MMD2: variants seen among roughly 807,000 people sequenced by gnomAD.
MMD2 encodes the protein monocyte to macrophage differentiation factor 2.
MMD2 carries 30 observed loss-of-function variants against 33.5 expected under a neutral mutation model. That is an observed-to-expected ratio of 0.90 (90% CI 0.67 to 1.22). MMD2 has a LOEUF of 1.22. Ranked by LOEUF, MMD2 falls within the 50% of genes most tolerant of loss-of-function variation. The pLI, the probability that MMD2 is intolerant of heterozygous loss-of-function variation, is 0.00. For missense variants in MMD2, 364 were observed against 325.4 expected (o/e 1.12, Z -0.91); for synonymous variants, 129 against 123.0 (o/e 1.05, Z -0.32).
intron 6 of MMD2, among the ~76,000 whole-genome samples, chr7:4,909,181 A>C: frequency 6.6e-6 from 1 of 152,034 alleles, no homozygotes; most frequent in Non-Finnish European, 1.5e-5. Flanking sequence ...TATTAACACG[A>C]GTTGTTCTTA....
intron 2 of MMD2, among the ~76,000 whole-genome samples, chr7:4,921,852 T>C (rs376288157): frequency 4.6e-5 from 7 of 152,108 alleles, no homozygotes; most frequent in African/African-American, 1.4e-4. Flanking sequence ...GCCACCCACA[T>C]GTCCATCTGC....
chr7:4,915,956 T>A, intron 4 of MMD2, 49 bp downstream of exon 4: 1 of 1,569,700 alleles, frequency 6.4e-7, no homozygotes, highest in Non-Finnish European at 8.8e-7. Context: ...ATTCAAACAA[T>A]GAAAAGAAAG....
intron 1 of MMD2, among the ~76,000 whole-genome samples, chr7:4,948,786 T>C (rs1223999305): frequency 2.0e-5 from 3 of 152,154 alleles, no homozygotes; most frequent in African/African-American, 7.2e-5. Context: ...AAATACATTT[T>C]TGTGTTTTTT....
In MMD2 at chr7:4,940,850, G is replaced by T. The variant is rs956883779; in HGVS notation, c.48-15318C>A. The stretch of plus-strand genomic sequence containing the variant: ...AGGTGCACTGTGCGTGGCATCCCAT[G>T]TGAACGGCCCCCTGGGCCTGGGGGT... On this transcript the variant is annotated intron_variant, in intron 1 of 6. Transcript: ENST00000401401. The surrounding 1 kb of genome is among the most constrained non-coding windows in gnomAD (Gnocchi z 5.0). Among the ~76,000 whole-genome samples the T allele has an allele frequency of 2.1e-4, 32 of 152,174 alleles. No individual in the cohort carries two copies. Among genetic ancestry groups the T allele is most frequent in the Admixed American group, 2.0e-3 (31 of 15,274 alleles).
At chr7:4,947,759 G>T (rs1158190927) in intron 1 of MMD2, among the ~76,000 whole-genome samples, 3 of 141,180 alleles carry the variant, frequency 2.1e-5, no homozygotes, top group Non-Finnish European at 4.5e-5. Flanking sequence ...GAGCACAGTG[G>T]TGCGATATCA....
chr7:4,945,619 G>A (rs985145372), intron 1 of MMD2, among the ~76,000 whole-genome samples: 6 of 151,174 alleles, frequency 4.0e-5, no homozygotes, highest in Admixed American at 2.7e-4. Flanking sequence ...CTGCCGCCCA[G>A]GCTGGCATGC....
chr7:4,931,605 AT>A (rs1345804772), intron 1 of MMD2, among the ~76,000 whole-genome samples: 1 of 151,416 alleles, frequency 6.6e-6, no homozygotes, highest in East Asian at 2.0e-4. Context: ...ATACTTTTTA[AT>A]TTTTGTAGAG....
In MMD2 at chr7:4,939,512, C is replaced by T. The variant is rs552416804; in HGVS notation, c.48-13980G>A. Among the ~76,000 whole-genome samples the T allele has an allele frequency of 1.1e-3, 163 of 152,242 alleles. 1 individual carries two copies. Among genetic ancestry groups the T allele is most frequent in the African/African-American group, 3.7e-3 (152 of 41,554 alleles). Reference sequence around the variant, plus strand: ...GAGCTATGATCATGTCACTGCACTCCAGCCTGGGCGACAGAGAGAGACCTA... The same window carrying T: ...GAGCTATGATCATGTCACTGCACTCTAGCCTGGGCGACAGAGAGAGACCTA... On this transcript the variant is annotated intron_variant, in intron 1 of 6. Transcript: ENST00000401401.
rs1286798860 is a variant in MMD2, at chr7:4,930,156, GCT to G, written c.48-4626_48-4625del. On this transcript the variant is annotated intron_variant, in intron 1 of 6. Transcript: ENST00000401401. ...GTGGTGGCGGGCACCTGTAGTCCCAGCTACTTGGAGGCTGAGGCAGGAGAATG... is the reference window on the plus strand; with the variant it reads ...GTGGTGGCGGGCACCTGTAGTCCCAGACTTGGAGGCTGAGGCAGGAGAATG... Among the ~76,000 whole-genome samples the G allele has an allele frequency of 6.6e-5, 10 of 151,414 alleles. No individual in the cohort carries two copies. The South Asian group carries it at 2.1e-3, about 32-fold the overall frequency.
intron 1 of MMD2, among the ~76,000 whole-genome samples, chr7:4,951,235 T>A (rs750179375): frequency 6.6e-6 from 1 of 151,980 alleles, no homozygotes; most frequent in Non-Finnish European, 1.5e-5. Flanking sequence ...GTAGCTTCTG[T>A]CCCTTTATTT....
chr7:4,929,735 G>C (rs993930374), intron 1 of MMD2, among the ~76,000 whole-genome samples: 2 of 152,002 alleles, frequency 1.3e-5, no homozygotes, highest in Admixed American at 1.3e-4. Context: ...ATGTTGGCCA[G>C]GTTGGTCTCA....
chr7:4,931,241 G>C (rs535627403), intron 1 of MMD2, among the ~76,000 whole-genome samples: 166 of 152,192 alleles, frequency 1.1e-3, no homozygotes, highest in African/African-American at 3.5e-3. Flanking sequence ...GACCTCCTGG[G>C]CTCGAGCAAT....
intron 1 of MMD2, among the ~76,000 whole-genome samples, chr7:4,954,089 C>T (rs570203299): frequency 6.6e-6 from 1 of 152,260 alleles, no homozygotes; most frequent in South Asian, 2.1e-4. Context: ...ACCTCAGCCT[C>T]CCAAAGCACT....
chr7:4,942,120 A>G (rs1785926683), intron 1 of MMD2, among the ~76,000 whole-genome samples: 2 of 151,306 alleles, frequency 1.3e-5, no homozygotes, highest in African/African-American at 4.9e-5. Context: ...TGCCCAGCTA[A>G]TTTTTGTATT....
the MMD2 span, among the ~76,000 whole-genome samples, chr7:4,900,571 G>A: frequency 5.9e-5 from 9 of 152,042 alleles, no homozygotes; most frequent in Admixed American, 1.3e-4. Context: ...ATGTAAGTCC[G>A]TCTCCAGGGT....
intron 3 of MMD2, among the ~76,000 whole-genome samples, chr7:4,917,174 G>C (rs561879470): frequency 6.6e-6 from 1 of 152,214 alleles, no homozygotes; most frequent in East Asian, 1.9e-4. Flanking sequence ...CCAAGCTGTG[G>C]AGCCAAAAGG....
chr7:4,918,889 G>C (rs906100196), intron 3 of MMD2, among the ~76,000 whole-genome samples: 1 of 151,940 alleles, frequency 6.6e-6, no homozygotes, highest in Non-Finnish European at 1.5e-5. Context: ...CCTGAGCCCA[G>C]GAATTCAAGG....
intron 1 of MMD2, among the ~76,000 whole-genome samples, chr7:4,938,002 C>CTTTCT (rs1785792853): frequency 2.2e-5 from 1 of 45,646 alleles, no homozygotes; most frequent in Admixed American, 3.9e-4. Context: ...TTCTTTCTTT[C>CTTTCT]TTTTTTTTTT....
chr7:4,903,409 G>A (rs1427296772), downstream of MMD2, among the ~76,000 whole-genome samples: 1 of 150,772 alleles, frequency 6.6e-6, no homozygotes, highest in African/African-American at 2.4e-5. Flanking sequence ...CCACCCTCAA[G>A]CGCTATCCTA....
Sources: gnomAD v4.1 joint callset for allele counts (sites outside exome capture counted in the v4.1 genomes callset) on GRCh38, gnomAD v4.1.1 for gene constraint, Gnocchi (gnomAD v3.1) non-coding constraint, MANE v1.5 for transcripts, NCBI Gene and HGNC (gene_info 2026-07-23, HGNC 2026-07-21) for gene names.